Variants in TMEM259 observed in about 807,000 individuals in gnomAD.
The protein encoded by TMEM259 is transmembrane protein 259.
A neutral mutation model predicts 46.7 loss-of-function variants in TMEM259; 26 were observed. The observed-to-expected ratio is 0.56, with a 90% confidence interval of 0.41 to 0.77. The LOEUF is 0.77. TMEM259 is among the 30% of genes least tolerant of loss of function. TMEM259 has a pLI of 0.00. For synonymous variants in TMEM259, 494 were observed against 395.1 expected, an observed-to-expected ratio of 1.25 and a Z score of -2.97; for missense variants, 930 against 900.5, an observed-to-expected ratio of 1.03 and a Z score of -0.42.
At chr19:1,011,338 AC>A in intron 9 of TMEM259, 28 bp downstream of exon 9, 1 of 1,556,498 alleles carries the variant, frequency 6.4e-7, no homozygotes, top group East Asian at 2.4e-5. Flanking sequence ...ACCAGCACCC[AC>A]TCCACCCTGC....
At chr19:1,012,689 C>G in intron 3 of TMEM259, 116 bp from the exon 4 acceptor site, 1 of 1,409,646 alleles carries the variant, frequency 7.1e-7, no homozygotes, top group Non-Finnish European at 9.5e-7. Context: ...CCCTGGGCCC[C>G]AGGTGGGTGC....
At chr19:1,018,478 C>A (rs537538980) in intron 1 of TMEM259, among the ~76,000 whole-genome samples, 3 of 152,182 alleles carry the variant, frequency 2.0e-5, no homozygotes, top group Non-Finnish European at 4.4e-5. Context: ...AGGATGAAGC[C>A]ACCTTGAAGG....
At chr19:1,017,465 C>G in intron 1 of TMEM259, 1 of 399,502 alleles carries the variant, frequency 2.5e-6, no homozygotes, top group East Asian at 3.6e-5. Flanking sequence ...GGACACCCCA[C>G]CCCATCCCAC....
At chr19:1,014,715 A>G (rs2039051903) in intron 1 of TMEM259, among the ~76,000 whole-genome samples, 1 of 152,142 alleles carries the variant, frequency 6.6e-6, no homozygotes. Flanking sequence ...CCAACCCCGG[A>G]GGGGCTCTGC....
chr19:1,018,418 G>C (rs1036274357), intron 1 of TMEM259, among the ~76,000 whole-genome samples: 1 of 152,180 alleles, frequency 6.6e-6, no homozygotes, highest in African/African-American at 2.4e-5. Context: ...GTGAGAGCTG[G>C]GGGACTCCAT....
rs1459623495 is a variant in TMEM259 at position 1,012,488 on chromosome 19, G to A, written c.693C>T (p.Ser231=). 2 of 1,606,396 alleles carry A rather than the reference G, an allele frequency of 1.2e-6. No homozygotes were observed. Among genetic ancestry groups the A allele is most frequent in the Non-Finnish European group, 8.5e-7 (1 of 1,177,736 alleles). The change falls in exon 4 of 11, where the codon AGC becomes AGT. Residue 231 remains serine, a synonymous_variant. Coordinates refer to ENST00000356663, the MANE Select transcript of TMEM259 (RefSeq NM_001033026.2). ...RLSQATRQRL[S]IPVMVVTLDP... is the part of the protein sequence containing the mutation. The stretch of plus-strand genomic sequence containing the variant: ...CCAGGGTGACCACCATGACGGGGAT[G>A]CTCAGGCGCTGGCGGGTGGCCTGCG...
Position 1,020,397 on chromosome 19 carries a change from C to T in TMEM259, c.225+375G>A, listed in dbSNP as rs1365985250. ...GGTCAAAGGGCGGGAGGTGCTACCT[C>T]GCAGGCCAGGACCGGACTCCAAGCC... On this transcript the variant is annotated intron_variant, in intron 1 of 10. Coordinates refer to ENST00000356663, the MANE Select transcript of TMEM259 (RefSeq NM_001033026.2). The surrounding 1 kb of genome is among the most constrained non-coding windows in gnomAD (Gnocchi z 4.0). 1.3e-5 allele frequency among the ~76,000 whole-genome samples: 2 copies of T among 152,200 alleles called. No individual in the cohort carries two copies.
rs970875377 is a variant in TMEM259, at chr19:1,020,850, G to A, written c.147C>T (p.Phe49=). The A allele has an allele frequency of 3.0e-5, 41 of 1,376,350 alleles. No homozygotes were observed. The highest frequency in any genetic ancestry group is 3.8e-5 in the Non-Finnish European group (40 of 1,058,324). The allele number at this position is 1,376,350 out of a possible 1,614,324, so 85.3% of individuals were successfully genotyped here. A position where few individuals can be genotyped will look rare whatever the true frequency, so the allele number is the denominator to read the frequency against. Residue 49 remains phenylalanine (F), a synonymous_variant, in exon 1 of 11, where the codon TTC becomes TTT. Coordinates refer to ENST00000356663, the MANE Select transcript of TMEM259 (RefSeq NM_001033026.2). The surrounding 1 kb of genome is among the most constrained non-coding windows in gnomAD (Gnocchi z 4.0). ...NVRDRLFHAL[F]FKMAVTYSRL... ...GCGAATAGGTGACAGCCATCTTGAA[G>A]AACAGCGCGTGGAAGAGCCGGTCGC... is the stretch of plus-strand genomic sequence containing the variant.
At position 1,010,370 on chromosome 19, in the gene TMEM259, G is replaced by A. The variant is rs749003927; in HGVS notation, c.1843C>T (p.Pro615Ser). The change falls in exon 11 of 11, where the codon CCC (proline) becomes TCC (serine). Residue 615 changes from proline to serine, a missense_variant. By Grantham distance (74) the Pro-to-Ser change is moderately conservative. Transcript: ENST00000356663. ...GCGGCTCAGGACCCCACCTCCGAGG[G>A]CGCCTCCGTTGGGGCCATGGAGGCC... is the stretch of plus-strand genomic sequence containing the variant. ...SPASMAPTEA[P>S]SEVGS The A allele has an allele frequency of 2.7e-6, 4 of 1,496,060 alleles. No homozygotes were observed. The highest frequency in any genetic ancestry group is 3.5e-6 in the Non-Finnish European group (4 of 1,130,630). The allele number at this position is 1,496,060 out of a possible 1,614,324, so 92.7% of individuals were successfully genotyped here.
chr19:1,012,254 T>C, intron 4 of TMEM259, 66 bp from the exon 5 acceptor site: 1 of 1,545,628 alleles, frequency 6.5e-7, no homozygotes, highest in Non-Finnish European at 8.7e-7. Context: ...CTGCCCCAGC[T>C]GGCTCCATTG....
At position 1,014,210 on chromosome 19, in the gene TMEM259, A is replaced by C; in HGVS notation, c.489T>G (p.Phe163Leu). The C allele has an allele frequency of 6.2e-7, 1 of 1,608,080 alleles. No individual in the cohort carries two copies. Among genetic ancestry groups the C allele is most frequent in the African/African-American group, 1.3e-5 (1 of 74,956 alleles). Residue 163 changes from phenylalanine to leucine, a missense_variant, in exon 2 of 11, where the codon TTT becomes TTG. Phe to Leu is a conservative substitution (Grantham distance 22). Transcript: ENST00000356663. ...EEEEELTMEM[F>L]GNSSIKFELD... Reference sequence around the variant, plus strand: ...GGCTCACCTTGATGGAGCTGTTCCCAAACATCTCCATGGTCAGCTCTTCCT... The same window carrying C: ...GGCTCACCTTGATGGAGCTGTTCCCCAACATCTCCATGGTCAGCTCTTCCT...
Position 1,012,052 on chromosome 19 carries a change from G to C in TMEM259, c.841+14C>G. 5 of 1,611,930 alleles carry C rather than the reference G, an allele frequency of 3.1e-6. No homozygotes were observed. Among genetic ancestry groups the C allele is most frequent in the African/African-American group, 1.3e-5 (1 of 75,006 alleles). On this transcript the variant is annotated intron_variant, in intron 5 of 10. Coordinates refer to ENST00000356663, the MANE Select transcript of TMEM259 (RefSeq NM_001033026.2). The stretch of plus-strand genomic sequence containing the variant: ...CCCGCGCCCTCGCACCCTCGGCCCC[G>C]GGGCATGCCTCACCCTTGTTCTCCT...
Position 1,014,074 on chromosome 19 carries a change from G to C in TMEM259, c.507+118C>G, listed in dbSNP as rs2039027129. On this transcript the variant is annotated intron_variant, in intron 2 of 10. Transcript: ENST00000356663. ...CAGGCAGGGGCGGCCTTGTCTGCAT[G>C]CCAGGTCCCTGAAAGTCAAGAACCC... The C allele has an allele frequency of 1.9e-5, 25 of 1,329,344 alleles. No individual in the cohort carries two copies. In the South Asian group the frequency reaches 3.3e-4, roughly 18 times the overall value. The allele number at this position is 1,329,344 out of a possible 1,614,324, so 82.3% of individuals were successfully genotyped here.
In TMEM259 at chr19:1,021,013, C is replaced by T. The variant is rs1164013636; in HGVS notation, c.-17G>A. 2.2e-6 allele frequency: 3 copies of T among 1,356,120 alleles called. No individual in the cohort carries two copies. The allele number at this position is 1,356,120 out of a possible 1,614,324, so 84.0% of individuals were successfully genotyped here. ...CTCCGACATGCCTCCCAGCGTCGCG[C>T]CCTAACGACCCGCAAGTGTCCGAGG... On this transcript the variant is annotated 5_prime_UTR_variant, in exon 1 of 11. Transcript: ENST00000356663.
At chr19:1,014,499 G>A in intron 1 of TMEM259, 26 bp from the exon 2 acceptor site, 1 of 1,593,544 alleles carries the variant, frequency 6.3e-7, no homozygotes, top group Non-Finnish European at 8.6e-7. Flanking sequence ...CAGTCAGTGG[G>A]GCGCCCCAGG....
In TMEM259 at chr19:1,011,434, C is replaced by T. The variant is rs1599471846; in HGVS notation, c.1150G>A (p.Val384Met). The T allele has an allele frequency of 6.4e-6, 10 of 1,570,300 alleles. No homozygotes were observed. The highest frequency in any genetic ancestry group is 1.8e-5 in the Admixed American group (1 of 54,366). Residue 384 changes from valine to methionine, a missense_variant, in exon 9 of 11, where the codon GTG becomes ATG. Val to Met is a conservative substitution (Grantham distance 21). Transcript: ENST00000356663. Reference protein sequence around the residue: ...TTTAFYIILIVWLADQYDAIC... With the variant: ...TTTAFYIILIMWLADQYDAIC... ...GCGTCATACTGGTCCGCGAGCCACACGATGAGGATGATGTAGAAGGCGGTG... is the reference window on the plus strand; with the variant it reads ...GCGTCATACTGGTCCGCGAGCCACATGATGAGGATGATGTAGAAGGCGGTG...
At chr19:1,015,964 A>T (rs2039093888) in intron 1 of TMEM259, among the ~76,000 whole-genome samples, 1 of 152,220 alleles carries the variant, frequency 6.6e-6, no homozygotes, top group South Asian at 2.1e-4. Context: ...GCACGGATAA[A>T]GCCCTGGGTC....
Position 1,020,753 on chromosome 19 carries a change from G to A in TMEM259, c.225+19C>T. 3.1e-6 allele frequency: 4 copies of A among 1,307,782 alleles called. No homozygotes were observed. The highest frequency in any genetic ancestry group is 3.9e-6 in the Non-Finnish European group (4 of 1,021,118). 81.0% of individuals were successfully genotyped at this position (1,307,782 alleles called of 1,614,324 possible). A position where few individuals can be genotyped will look rare whatever the true frequency, so the allele number is the denominator to read the frequency against. Reference sequence around the variant, plus strand: ...GACAGCCGCTGGGGTCAAGGGTCGGGGGTCGGGGCCGCGGTCACCTTGAGC... The same window carrying A: ...GACAGCCGCTGGGGTCAAGGGTCGGAGGTCGGGGCCGCGGTCACCTTGAGC... On this transcript the variant is annotated intron_variant, in intron 1 of 10. Coordinates refer to ENST00000356663, the MANE Select transcript of TMEM259 (RefSeq NM_001033026.2). The surrounding 1 kb of genome is among the most constrained non-coding windows in gnomAD (Gnocchi z 4.0).
At position 1,012,454 on chromosome 19, in the gene TMEM259, C is replaced by G. The variant is rs1283703904; in HGVS notation, c.718+9G>C. On this transcript the variant is annotated intron_variant, in intron 4 of 10. Transcript: ENST00000356663. ...ATGGAGCTCCCCAAGCCCAGCAGCTCAGACTCACCCAGGGTGACCACCATG... is the reference window on the plus strand; with the variant it reads ...ATGGAGCTCCCCAAGCCCAGCAGCTGAGACTCACCCAGGGTGACCACCATG... 6.3e-7 allele frequency: 1 copy of G among 1,588,862 alleles called. No individual in the cohort carries two copies. The highest frequency in any genetic ancestry group is 2.3e-5 in the East Asian group (1 of 43,700).
Sources: gnomAD v4.1 joint callset for allele counts (sites outside exome capture counted in the v4.1 genomes callset) on GRCh38, gnomAD v4.1.1 for gene constraint, Gnocchi (gnomAD v3.1) non-coding constraint, MANE v1.5 for transcripts, NCBI Gene and HGNC (gene_info 2026-07-23, HGNC 2026-07-21) for gene names.